PRLR: variants seen among roughly 807,000 people sequenced by gnomAD.
PRLR encodes prolactin receptor, also known as hPRL receptor.
In PRLR, 13 loss-of-function variants were observed where a neutral mutation model predicts 40.2. The observed-to-expected ratio is 0.32, with a 90% CI of 0.21 to 0.51. The LOEUF (loss-of-function observed/expected upper bound fraction) is 0.51. PRLR is among the 20% of genes least tolerant of loss of function. The pLI is 0.97. For missense variants in PRLR, 656 were observed against 747.3 expected (o/e 0.88, Z 1.42); for synonymous variants, 269 against 278.7 (o/e 0.97, Z 0.35).
At chr5:35,081,559 A>C (rs1472789151) in intron 5 of PRLR, 5 of 155,228 alleles carry the variant, frequency 3.2e-5, no homozygotes, top group African/African-American at 1.2e-4. Context: ...GATTTTGAAA[A>C]ATATGGTCCA....
chr5:35,185,166 C>T (rs76416809), intron 1 of PRLR, among the ~76,000 whole-genome samples: 2,838 of 152,306 alleles, frequency 0.019, 92 homozygotes, highest in African/African-American at 0.065. Context: ...ATTTCTGATG[C>T]TTCGTCCATA....
intron 5 of PRLR, among the ~76,000 whole-genome samples, chr5:35,075,631 AG>A (rs1331554607): frequency 6.6e-6 from 1 of 152,226 alleles, no homozygotes; most frequent in Non-Finnish European, 1.5e-5. Context: ...GCTGAACAAA[AG>A]GTAGCAGAAA....
chr5:35,193,325 T>G (rs1221297864), intron 1 of PRLR, among the ~76,000 whole-genome samples: 1 of 152,156 alleles, frequency 6.6e-6, no homozygotes, highest in Non-Finnish European at 1.5e-5. Context: ...TCTCAAGAGC[T>G]CTCTACCCTT....
intron 1 of PRLR, among the ~76,000 whole-genome samples, chr5:35,127,528 A>G (rs545031129): frequency 6.6e-6 from 1 of 152,344 alleles, no homozygotes. Flanking sequence ...ATAGTAACTC[A>G]TGTACAGCTA....
intron 7 of PRLR, among the ~76,000 whole-genome samples, 194 bp downstream of exon 7, chr5:35,069,930 G>C (rs184031618): frequency 2.6e-5 from 4 of 152,322 alleles, no homozygotes; most frequent in East Asian, 3.9e-4. Flanking sequence ...TCCTAAAATT[G>C]TTCTCCATTG....
chr5:35,200,128 G>A (rs930949414), intron 1 of PRLR, among the ~76,000 whole-genome samples: 1 of 152,148 alleles, frequency 6.6e-6, no homozygotes, highest in South Asian at 2.1e-4. Flanking sequence ...GGCATGTCTC[G>A]CAGAGCCTCA....
rs903651926 is a variant in PRLR at position 35,230,433 on chromosome 5, G to A, written c.-271C>T. ...GCCCAGCCCAGAAAACCGGCGTCTG[G>A]GGATTTCAGCCTCCGCTCCCCGGTC... On this transcript the variant is annotated 5_prime_UTR_variant, in exon 1 of 10. Coordinates refer to ENST00000618457, the MANE Select transcript of PRLR (RefSeq NM_000949.7). The A allele has an allele frequency of 6.6e-6, 1 of 152,282 alleles. No homozygotes were observed. The highest frequency in any genetic ancestry group is 2.4e-5 in the African/African-American group (1 of 41,456). 9.4% of individuals were successfully genotyped at this position (152,282 alleles called of 1,614,324 possible). A position where few individuals can be genotyped will look rare whatever the true frequency, so the allele number is the denominator to read the frequency against.
intron 1 of PRLR, among the ~76,000 whole-genome samples, chr5:35,207,614 TTGTGTGTGTG>T (rs142502829): frequency 6.8e-6 from 1 of 146,886 alleles, no homozygotes; most frequent in Non-Finnish European, 1.5e-5. Flanking sequence ...CAATGGGAGA[TTGTGTGTGTG>T]TGTGTGTGTG....
intron 6 of PRLR, among the ~76,000 whole-genome samples, chr5:35,071,315 A>C (rs989484642): frequency 6.6e-6 from 1 of 151,366 alleles, no homozygotes; most frequent in South Asian, 2.1e-4. Flanking sequence ...AAACTGAAGG[A>C]TATAACGACC....
chr5:35,191,795 C>T (rs1473160545), intron 1 of PRLR, among the ~76,000 whole-genome samples: 1 of 152,186 alleles, frequency 6.6e-6, no homozygotes, highest in Non-Finnish European at 1.5e-5. Flanking sequence ...TGGCTCTGCC[C>T]CCCACCACGG....
At chr5:35,209,147 T>C (rs543480823) in intron 1 of PRLR, among the ~76,000 whole-genome samples, 55 of 152,204 alleles carry the variant, frequency 3.6e-4, no homozygotes, top group African/African-American at 1.3e-3. Flanking sequence ...TCAGTGTTTT[T>C]TTTTTCTTCT....
intron 2 of PRLR, among the ~76,000 whole-genome samples, chr5:35,097,123 T>C (rs991342566): frequency 6.6e-6 from 1 of 152,162 alleles, no homozygotes; most frequent in African/African-American, 2.4e-5. Flanking sequence ...TTCCTCCTGA[T>C]AACAGCTGAC....
At chr5:35,200,611 A>G (rs1018993894) in intron 1 of PRLR, among the ~76,000 whole-genome samples, 2 of 152,180 alleles carry the variant, frequency 1.3e-5, no homozygotes, top group African/African-American at 2.4e-5. Flanking sequence ...AGGAAGGAGT[A>G]TGGGATTGAA....
In PRLR at chr5:35,086,919, C is replaced by T. The variant is rs186935783; in HGVS notation, c.71-579G>A. Among the ~76,000 whole-genome samples the T allele has an allele frequency of 7.2e-5, 11 of 152,270 alleles. No homozygotes were observed. In the East Asian group the frequency reaches 2.1e-3, roughly 29 times the overall value. Reference sequence around the variant, plus strand: ...GATCTTCTGTCCGTTCACTACATCGCTAAAGCTCCCTGTATCTGGGCATCC... The same window carrying T: ...GATCTTCTGTCCGTTCACTACATCGTTAAAGCTCCCTGTATCTGGGCATCC... On this transcript the variant is annotated intron_variant, in intron 3 of 9. Transcript: ENST00000618457.
At chr5:35,155,805 C>T (rs1774478729) in intron 1 of PRLR, among the ~76,000 whole-genome samples, 1 of 152,174 alleles carries the variant, frequency 6.6e-6, no homozygotes, top group South Asian at 2.1e-4. Flanking sequence ...GGTACAATGG[C>T]TTACAAAGGT....
chr5:35,160,960 T>C (rs1774658024), intron 1 of PRLR, among the ~76,000 whole-genome samples: 1 of 152,228 alleles, frequency 6.6e-6, no homozygotes, highest in African/African-American at 2.4e-5. Flanking sequence ...TGGCCGGCCT[T>C]GTGTCAGTTA....
intron 1 of PRLR, among the ~76,000 whole-genome samples, chr5:35,119,164 C>T (rs1047553313): frequency 1.3e-5 from 2 of 152,162 alleles, no homozygotes; most frequent in Non-Finnish European, 2.9e-5. Context: ...CCAGTTTTGT[C>T]TTGCCCATTC....
At chr5:35,196,475 A>G (rs559417683) in intron 1 of PRLR, among the ~76,000 whole-genome samples, 1 of 152,366 alleles carries the variant, frequency 6.6e-6, no homozygotes, top group South Asian at 2.1e-4. Flanking sequence ...AGACTCTTAA[A>G]GGAATTCTCC....
intron 1 of PRLR, among the ~76,000 whole-genome samples, chr5:35,228,091 G>GGA (rs1273253584): frequency 2.6e-5 from 4 of 152,040 alleles, no homozygotes; most frequent in South Asian, 4.1e-4. Context: ...AAGCCCCATA[G>GGA]GAGAGAGAGA....
Sources: allele counts gnomAD v4.1 joint callset (sites outside exome capture counted in the v4.1 genomes callset), GRCh38; gene constraint gnomAD v4.1.1; transcripts MANE v1.5; gene names NCBI Gene and HGNC (gene_info 2026-07-23, HGNC 2026-07-21).